Variants in CSMD1 observed in about 807,000 individuals in gnomAD.
The protein encoded by CSMD1 is CUB and Sushi multiple domains 1, also known as CUB and sushi domain-containing protein 1.
In CSMD1, 213 loss-of-function variants were observed where a neutral mutation model predicts 417.5. The ratio of observed to expected loss-of-function variants is 0.51; its 90% CI spans 0.46 to 0.57. CSMD1 has a LOEUF of 0.57. Ranked by LOEUF, CSMD1 falls within the 20% of genes least tolerant of loss-of-function variation. The pLI, the probability that CSMD1 is intolerant of heterozygous loss-of-function variation, is 0.00. For synonymous variants in CSMD1, 2,862 were observed against 1,736.8 expected, an observed-to-expected ratio of 1.65 and a Z score of -16.11; for missense variants, 6,923 against 4,529.7, an observed-to-expected ratio of 1.53 and a Z score of -15.17.
At chr8:3,881,834 A>C (rs1219898395) in intron 5 of CSMD1, among the ~76,000 whole-genome samples, 1 of 152,120 alleles carries the variant, frequency 6.6e-6, no homozygotes, top group African/African-American at 2.4e-5. Context: ...AAGCAAATCC[A>C]CACTGCTCAG....
In CSMD1 at chr8:4,969,179, C is replaced by T. The variant is rs191209698; in HGVS notation, c.85+25153G>A. 4.3e-3 allele frequency among the ~76,000 whole-genome samples: 659 copies of T among 152,050 alleles called. 6 individuals carry two copies. The highest frequency in any genetic ancestry group is 0.014 in the African/African-American group (600 of 41,478). ...CCATTATCATGGGATTGCGTGTGTG[C>T]GTGTGTGTTGGTCTCCTGCTCACTG... On this transcript the variant is annotated intron_variant, in intron 1 of 69. Coordinates refer to ENST00000635120, the MANE Select transcript of CSMD1 (RefSeq NM_033225.6).
intron 1 of CSMD1, among the ~76,000 whole-genome samples, chr8:4,887,628 T>G (rs1009008565): frequency 2.6e-5 from 4 of 152,060 alleles, no homozygotes; most frequent in African/African-American, 7.2e-5. Context: ...TTTGCTTTAT[T>G]TTCAATATTT....
chr8:2,951,171 T>C lies in CSMD1; in HGVS notation c.10144A>G (p.Ser3382Gly). The change falls in exon 66 of 70, where the codon AGC (serine) becomes GGC (glycine). Residue 3382 changes from serine to glycine, a missense_variant. By Grantham distance (56) the Ser-to-Gly change is moderately conservative. Coordinates refer to ENST00000635120, the MANE Select transcript of CSMD1 (RefSeq NM_033225.6). ...CTGAAGGTGGCATTCACCTTACTGC[T>C]TGTTGCATTGAACCAGTCAACAGTT... Reference protein sequence around the residue: ...TLTVDWFNATSSKVNATFSEA... With the variant: ...TLTVDWFNATGSKVNATFSEA... 2 of 1,613,686 alleles carry C rather than the reference T, an allele frequency of 1.2e-6. No homozygotes were observed. The highest frequency in any genetic ancestry group is 1.3e-5 in the African/African-American group (1 of 75,054).
chr8:3,724,682 G>A (rs767954460), intron 6 of CSMD1, among the ~76,000 whole-genome samples: 4 of 152,116 alleles, frequency 2.6e-5, no homozygotes, highest in African/African-American at 7.2e-5. Flanking sequence ...GGGAGTCCAT[G>A]AAATTAAATA....
intron 26 of CSMD1, among the ~76,000 whole-genome samples, chr8:3,235,226 G>T (rs1463924420): frequency 6.6e-6 from 1 of 152,062 alleles, no homozygotes; most frequent in Non-Finnish European, 1.5e-5. Context: ...AAGTTTAGGA[G>T]GTGAGCCAAG....
chr8:4,330,616 G>T (rs1457308957), intron 3 of CSMD1, among the ~76,000 whole-genome samples: 1 of 151,048 alleles, frequency 6.6e-6, no homozygotes, highest in South Asian at 2.1e-4. Flanking sequence ...TTTTGTAATA[G>T]CTCATAAATC....
chr8:4,556,326 T>C (rs1259945358), intron 2 of CSMD1, among the ~76,000 whole-genome samples: 1 of 152,202 alleles, frequency 6.6e-6, no homozygotes, highest in East Asian at 1.9e-4. Flanking sequence ...ATAGAATACC[T>C]ATTTTAAATA....
At chr8:3,494,316 T>C (rs1796269689) in intron 10 of CSMD1, among the ~76,000 whole-genome samples, 1 of 152,176 alleles carries the variant, frequency 6.6e-6, no homozygotes, top group Non-Finnish European at 1.5e-5. Flanking sequence ...TTATGTTTGA[T>C]GTGCCAGTAT....
intron 30 of CSMD1, among the ~76,000 whole-genome samples, chr8:3,214,148 G>A (rs1005293472): frequency 1.6e-4 from 25 of 152,094 alleles, no homozygotes; most frequent in Non-Finnish European, 2.9e-4. Context: ...CCGGCTAGAA[G>A]TAAGTATTTT....
chr8:4,388,369 A>T (rs1363387017), intron 3 of CSMD1, among the ~76,000 whole-genome samples: 1 of 151,802 alleles, frequency 6.6e-6, no homozygotes, highest in Non-Finnish European at 1.5e-5. Context: ...ACTGCTACTC[A>T]GCCATAAAAA....
intron 2 of CSMD1, among the ~76,000 whole-genome samples, chr8:4,482,538 T>C (rs57126856): frequency 0.12 from 18,085 of 152,284 alleles, 1,198 homozygotes; most frequent in African/African-American, 0.17. Context: ...CTATTGTGAA[T>C]AGTGTTGCAA....
At chr8:3,180,746 C>G (rs766341339) in intron 37 of CSMD1, among the ~76,000 whole-genome samples, 1 of 152,102 alleles carries the variant, frequency 6.6e-6, no homozygotes, top group Non-Finnish European at 1.5e-5. Context: ...TCTCCTGCCT[C>G]AGCCTCTTAG....
At chr8:3,942,064 C>G (rs1446791413) in intron 5 of CSMD1, among the ~76,000 whole-genome samples, 1 of 151,866 alleles carries the variant, frequency 6.6e-6, no homozygotes, top group Non-Finnish European at 1.5e-5. Context: ...ATTGGGCATG[C>G]AAGGGATCTA....
chr8:3,873,563 G>A lies in CSMD1; in HGVS notation c.819-119521C>T, dbSNP rs1000467092. Among the ~76,000 whole-genome samples, 14 of 152,256 alleles carry A rather than the reference G, an allele frequency of 9.2e-5. No homozygotes were observed. The South Asian group carries it at 1.5e-3, about 16-fold the overall frequency. ...ACTGAGACCTACTGCAGGGTGGACG[G>A]TGGGAGGAGGGAGAGCATCAGCAAA... is the stretch of plus-strand genomic sequence containing the variant. On this transcript the variant is annotated intron_variant, in intron 5 of 69. Coordinates refer to ENST00000635120, the MANE Select transcript of CSMD1 (RefSeq NM_033225.6).
intron 1 of CSMD1, among the ~76,000 whole-genome samples, chr8:4,856,060 G>T (rs1159101457): frequency 6.6e-6 from 1 of 152,162 alleles, no homozygotes; most frequent in South Asian, 2.1e-4. Flanking sequence ...AGTAACAGCG[G>T]ATCTCTCGAC....
At chr8:4,636,124 T>G (rs1802798884) in intron 2 of CSMD1, among the ~76,000 whole-genome samples, 2 of 152,054 alleles carry the variant, frequency 1.3e-5, no homozygotes, top group African/African-American at 2.4e-5. Context: ...TCTCATCCCA[T>G]AAAATAATAA....
chr8:3,808,432 G>C (rs1246931430), intron 5 of CSMD1, among the ~76,000 whole-genome samples: 3 of 152,102 alleles, frequency 2.0e-5, no homozygotes, highest in Non-Finnish European at 4.4e-5. Context: ...AAAACTCATT[G>C]GAATGAGTCT....
At chr8:4,717,531 A>C (rs1299019289) in intron 1 of CSMD1, among the ~76,000 whole-genome samples, 1 of 148,688 alleles carries the variant, frequency 6.7e-6, no homozygotes, top group Non-Finnish European at 1.5e-5. Flanking sequence ...CAAACCTATC[A>C]ATCTGTCTGT....
chr8:3,063,718 G>T (rs974857341), intron 49 of CSMD1, among the ~76,000 whole-genome samples: 3 of 152,152 alleles, frequency 2.0e-5, no homozygotes, highest in African/African-American at 7.2e-5. Context: ...TATGCGAAGT[G>T]AAGCCATAAA....
Sources: allele counts gnomAD v4.1 joint callset (sites outside exome capture counted in the v4.1 genomes callset), GRCh38; gene constraint gnomAD v4.1.1; transcripts MANE v1.5; gene names NCBI Gene and HGNC (gene_info 2026-07-23, HGNC 2026-07-21).